Variants in TACC2 observed in about 807,000 individuals in gnomAD.
TACC2 encodes the protein transforming acidic coiled-coil containing protein 2, also known as transforming acidic coiled-coil-containing protein 2.
TACC2 carries 137 observed loss-of-function variants against 227.3 expected under a neutral mutation model. That is an observed-to-expected ratio of 0.60 (90% CI 0.52 to 0.69). TACC2 has a LOEUF of 0.69. Ranked by LOEUF, TACC2 falls within the 30% of genes least tolerant of loss-of-function variation. The probability of loss-of-function intolerance (pLI) is 0.00; values close to 1 mark genes in which losing one functional copy is unlikely to be tolerated. For synonymous variants in TACC2, 1,523 were observed against 1,487.5 expected (o/e 1.02, Z -0.55); for missense variants, 3,470 against 3,694.4 (o/e 0.94, Z 1.57).
chr10:122,127,179 A>G (rs1221951521), intron 5 of TACC2: 2 of 154,662 alleles, frequency 1.3e-5, no homozygotes. Context: ...AAGCCACCCC[A>G]TCTATGAGAT....
chr10:122,183,959 C>T (rs554355764), intron 7 of TACC2, among the ~76,000 whole-genome samples: 32 of 152,216 alleles, frequency 2.1e-4, no homozygotes, highest in African/African-American at 6.5e-4. Context: ...CCCAGGTGCC[C>T]GCAGGTGATG....
chr10:122,150,159 C>T lies in TACC2; in HGVS notation c.5834+6453C>T, dbSNP rs894145786. Among the ~76,000 whole-genome samples the T allele has an allele frequency of 1.3e-5, 2 of 152,222 alleles. No individual in the cohort carries two copies. Among genetic ancestry groups the T allele is most frequent in the African/African-American group, 4.8e-5 (2 of 41,466 alleles). On this transcript the variant is annotated intron_variant, in intron 7 of 22. Transcript: ENST00000369005. This position sits in a 1 kb window ranked among gnomAD's most constrained non-coding sequence, Gnocchi z 4.0. ...GGAGAGCCGGCAGCAGCGGGGCTCC[C>T]TGGCCCTACTCTGGGGGCACAGCTG...
rs536672151 is a variant in TACC2, at chr10:122,182,465, C to G, written c.5835-12575C>G. Among the ~76,000 whole-genome samples, 23 of 152,240 alleles carry G rather than the reference C, an allele frequency of 1.5e-4. No homozygotes were observed. In the East Asian group the frequency reaches 4.1e-3, roughly 27 times the overall value. On this transcript the variant is annotated intron_variant, in intron 7 of 22. Coordinates refer to ENST00000369005, the MANE Select transcript of TACC2 (RefSeq NM_206862.4). ...GGGATTTAGCCAACTGGTTTGCAAA[C>G]TGCATGTAAGGTGTGTCTGTGTTTG...
chr10:121,998,227 G>T (rs147517780), intron 1 of TACC2, among the ~76,000 whole-genome samples: 2,601 of 150,688 alleles, frequency 0.017, 73 homozygotes, highest in African/African-American at 0.058. Context: ...GAGGATAATT[G>T]CTTGAACCCA....
At chr10:122,239,777 C>A (rs1482754022) in intron 18 of TACC2, among the ~76,000 whole-genome samples, 4 of 152,142 alleles carry the variant, frequency 2.6e-5, no homozygotes, top group Non-Finnish European at 5.9e-5. Context: ...TTCAAGATGT[C>A]ACCAGCTGGT....
chr10:122,149,726 C>A (rs536642320), intron 7 of TACC2, among the ~76,000 whole-genome samples: 15 of 152,372 alleles, frequency 9.8e-5, no homozygotes, highest in Admixed American at 7.8e-4. Context: ...AGGCGGGGTG[C>A]AGATGAGCCT....
chr10:121,994,380 C>T (rs553192979), intron 1 of TACC2, among the ~76,000 whole-genome samples: 2 of 152,318 alleles, frequency 1.3e-5, no homozygotes, highest in South Asian at 2.1e-4. Context: ...GTAGTTGACA[C>T]TGGCTTCGGA....
At chr10:122,164,859 G>C (rs940492384) in intron 7 of TACC2, among the ~76,000 whole-genome samples, 1 of 152,164 alleles carries the variant, frequency 6.6e-6, no homozygotes, top group Non-Finnish European at 1.5e-5. Flanking sequence ...TGGGGGTAGG[G>C]GTAGTAAAGT....
intron 3 of TACC2, chr10:122,052,700 A>G (rs1374348399): frequency 2.0e-5 from 3 of 149,902 alleles, no homozygotes; most frequent in Admixed American, 2.0e-4. Context: ...AAAAAAAAAC[A>G]AACAGGTGCC....
At chr10:122,164,160 C>T (rs1398913756) in intron 7 of TACC2, among the ~76,000 whole-genome samples, 1 of 152,208 alleles carries the variant, frequency 6.6e-6, no homozygotes, top group East Asian at 1.9e-4. Flanking sequence ...GGAGGAGCAT[C>T]TGGTAGCCCC....
At chr10:122,158,264 C>T (rs2092609481) in intron 7 of TACC2, among the ~76,000 whole-genome samples, 1 of 152,006 alleles carries the variant, frequency 6.6e-6, no homozygotes, top group African/African-American at 2.4e-5. Flanking sequence ...TGGCGTGCAC[C>T]TGTGGTCCCA....
intron 5 of TACC2, among the ~76,000 whole-genome samples, chr10:122,093,055 T>G (rs1033236806): frequency 1.7e-4 from 26 of 152,160 alleles, no homozygotes; most frequent in African/African-American, 5.8e-4. Context: ...TTGTCGTTGC[T>G]GAATATGTGT....
Position 122,225,763 on chromosome 10 carries a change from G to A in TACC2, c.7609-603G>A, listed in dbSNP as rs1279609663. ...TCGCGGATGAATTCGTGAGGAGCAT[G>A]CCCTGCTCAGGAACAGCAGAGCCAC... On this transcript the variant is annotated intron_variant, in intron 12 of 22. Transcript: ENST00000369005. Among the ~76,000 whole-genome samples the A allele has an allele frequency of 5.3e-5, 8 of 152,326 alleles. No homozygotes were observed. The East Asian group carries it at 1.5e-3, about 29-fold the overall frequency.
At chr10:122,046,405 C>T (rs1363324370) in intron 2 of TACC2, among the ~76,000 whole-genome samples, 3 of 152,042 alleles carry the variant, frequency 2.0e-5, no homozygotes, top group Admixed American at 6.6e-5. Flanking sequence ...ACCCAGGAGG[C>T]GGAGCTTACA....
intron 15 of TACC2, among the ~76,000 whole-genome samples, chr10:122,230,117 A>G (rs1418170155): frequency 1.3e-5 from 2 of 152,250 alleles, no homozygotes; most frequent in Non-Finnish European, 2.9e-5. Context: ...ATCATTTCGT[A>G]TTCAACTGCA....
chr10:122,086,396 C>T lies in TACC2; in HGVS notation c.3896C>T (p.Ala1299Val), dbSNP rs1347887090. The T allele has an allele frequency of 6.2e-7, 1 of 1,613,580 alleles. No individual in the cohort carries two copies. The highest frequency in any genetic ancestry group is 8.5e-7 in the Non-Finnish European group (1 of 1,180,018). Residue 1299 changes from alanine (A) to valine (V), a missense_variant, in exon 4 of 23, where the codon GCT (alanine) becomes GTT (valine). Ala to Val is a moderately conservative substitution (Grantham distance 64, BLOSUM62 0). Around this residue, in one of 10 missense-constraint regions of TACC2, gnomAD observed 1,924 missense variants for 1,978.3 expected, o/e 0.97. Transcript: ENST00000369005. ...CTCGCCCCCCTGTTGCAACCAGGAG[C>T]TGCAGGTGGGGAAATCCCTGCAGTG... ...GSLAPLLQPG[A>V]AGGEIPAVQA...
chr10:122,116,069 G>T (rs1010739240), intron 5 of TACC2, among the ~76,000 whole-genome samples: 9 of 152,176 alleles, frequency 5.9e-5, no homozygotes, highest in African/African-American at 1.9e-4. Flanking sequence ...CAGTAATCAT[G>T]TTCACATCAA....
intron 7 of TACC2, among the ~76,000 whole-genome samples, chr10:122,188,036 G>A (rs1044863595): frequency 6.6e-6 from 1 of 152,100 alleles, no homozygotes; most frequent in East Asian, 1.9e-4. Context: ...GCCTTTTGGG[G>A]AAGTCTGTCT....
At chr10:122,075,327 G>A (rs1346993049) in intron 3 of TACC2, among the ~76,000 whole-genome samples, 1 of 148,830 alleles carries the variant, frequency 6.7e-6, no homozygotes, top group Non-Finnish European at 1.5e-5. Context: ...ATCAGTGCAG[G>A]TGCCATGAAG....
Sources: gnomAD v4.1 joint callset for allele counts (sites outside exome capture counted in the v4.1 genomes callset) on GRCh38, gnomAD v4.1.1 for gene constraint, gnomAD v4.1.1 regional missense constraint, Gnocchi (gnomAD v3.1) non-coding constraint, MANE v1.5 for transcripts, NCBI Gene and HGNC (gene_info 2026-07-23, HGNC 2026-07-21) for gene names.